Variants in AKAP13 observed in about 807,000 individuals in gnomAD.
The protein encoded by AKAP13 is A-kinase anchor protein 13.
A neutral mutation model predicts 264.5 loss-of-function variants in AKAP13; 80 were observed. The observed-to-expected ratio is 0.30, with a 90% CI of 0.25 to 0.36. The LOEUF (loss-of-function observed/expected upper bound fraction) is 0.36. AKAP13 is among the 10% of genes least tolerant of loss of function. The pLI is 1.00. For missense variants in AKAP13, 3,712 were observed against 3,435.2 expected, an observed-to-expected ratio of 1.08 and a Z score of -2.01; for synonymous variants, 1,380 against 1,250.2, an observed-to-expected ratio of 1.10 and a Z score of -2.19.
chr15:85,697,539 A>G (rs1047920277), intron 17 of AKAP13, among the ~76,000 whole-genome samples: 13 of 152,368 alleles, frequency 8.5e-5, no homozygotes, highest in Middle Eastern at 3.4e-3. Flanking sequence ...ACTGCACTCC[A>G]GTCTGGGTGA....
intron 1 of AKAP13, among the ~76,000 whole-genome samples, chr15:85,399,615 GA>G (rs1001745073): frequency 1.3e-5 from 2 of 149,840 alleles, no homozygotes; most frequent in African/African-American, 4.9e-5. Context: ...GGCAACCAAA[GA>G]AAAAATGAAA....
chr15:85,512,604 A>T (rs1209841922), intron 2 of AKAP13, among the ~76,000 whole-genome samples: 1 of 151,772 alleles, frequency 6.6e-6, no homozygotes, highest in East Asian at 1.9e-4. Flanking sequence ...TTCCCGCTTG[A>T]CCCCTTCTAG....
At chr15:85,504,909 C>T (rs1488210358) in intron 2 of AKAP13, among the ~76,000 whole-genome samples, 1 of 151,706 alleles carries the variant, frequency 6.6e-6, no homozygotes, top group Non-Finnish European at 1.5e-5. Context: ...CTCCCTCGCA[C>T]CCTCTCCCCC....
At chr15:85,589,733 C>T (rs1490084040) in intron 8 of AKAP13, among the ~76,000 whole-genome samples, 2 of 138,138 alleles carry the variant, frequency 1.4e-5, no homozygotes, top group African/African-American at 5.4e-5. Flanking sequence ...AAAAAGCCTA[C>T]TCTTAATTTT....
intron 2 of AKAP13, among the ~76,000 whole-genome samples, chr15:85,497,816 A>G (rs1042494170): frequency 6.6e-6 from 1 of 152,170 alleles, no homozygotes; most frequent in African/African-American, 2.4e-5. Flanking sequence ...ACACAGGATA[A>G]CAGTGTGAAG....
chr15:85,645,682 G>A (rs1476824310), intron 9 of AKAP13, 136 bp from the exon 10 acceptor site: 2 of 912,974 alleles, frequency 2.2e-6, no homozygotes, highest in African/African-American at 1.7e-5. Flanking sequence ...AAAGAAATAA[G>A]GAGGGAAGGA....
At chr15:85,488,621 GT>G (rs1278134953) in intron 2 of AKAP13, among the ~76,000 whole-genome samples, 3 of 152,220 alleles carry the variant, frequency 2.0e-5, no homozygotes, top group African/African-American at 7.2e-5. Flanking sequence ...AATTACAGGA[GT>G]TCTCATGAGT....
intron 8 of AKAP13, among the ~76,000 whole-genome samples, chr15:85,587,217 T>A: frequency 6.6e-6 from 1 of 152,318 alleles, no homozygotes; most frequent in African/African-American, 2.4e-5. Flanking sequence ...TGTAAATCCA[T>A]AGAGAGATTT....
intron 16 of AKAP13, among the ~76,000 whole-genome samples, chr15:85,686,132 T>A (rs549349924): frequency 1.4e-5 from 2 of 148,112 alleles, no homozygotes; most frequent in Admixed American, 1.4e-4. Context: ...TAAGGAACTC[T>A]TGCAAGGAAT....
chr15:85,695,682 A>G (rs1023577951), intron 17 of AKAP13, among the ~76,000 whole-genome samples: 1 of 152,172 alleles, frequency 6.6e-6, no homozygotes, highest in Non-Finnish European at 1.5e-5. Context: ...AAACCATGAG[A>G]GCTCTCACCC....
In AKAP13 at chr15:85,743,832, C is replaced by G; in HGVS notation, c.8392+7C>G. On this transcript the variant is annotated splice_region_variant and intron_variant, in intron 36 of 36. Coordinates refer to ENST00000394518, the MANE Select transcript of AKAP13 (RefSeq NM_007200.5). ...AGCCGCTCTCAGCCCGGTGGTGAGT[C>G]ACGCACACCTGCTCTCCCTGTGGCC... is the stretch of plus-strand genomic sequence containing the variant. The G allele has an allele frequency of 1.9e-6, 3 of 1,602,024 alleles. No homozygotes were observed. The highest frequency in any genetic ancestry group is 2.6e-6 in the Non-Finnish European group (3 of 1,174,880).
At position 85,717,996 on chromosome 15, in the gene AKAP13, G is replaced by T; in HGVS notation, c.5849-11G>T. ...AACCTGATTCTGATATTGATTTTTT[G>T]ATATATTGAGGAGTAGGTACAGACA... On this transcript the variant is annotated splice_polypyrimidine_tract_variant and intron_variant, in intron 21 of 36. Transcript: ENST00000394518. 1 of 1,606,782 alleles carries T rather than the reference G, an allele frequency of 6.2e-7. No individual in the cohort carries two copies. The highest frequency in any genetic ancestry group is 8.5e-7 in the Non-Finnish European group (1 of 1,175,774).
chr15:85,561,903 T>A (rs2078392859), intron 5 of AKAP13, among the ~76,000 whole-genome samples: 1 of 152,224 alleles, frequency 6.6e-6, no homozygotes, highest in South Asian at 2.1e-4. Flanking sequence ...AATGTGTATT[T>A]TTAAAATTAT....
At chr15:85,474,571 C>A (rs184362464) in intron 1 of AKAP13, among the ~76,000 whole-genome samples, 1 of 152,046 alleles carries the variant, frequency 6.6e-6, no homozygotes, top group African/African-American at 2.4e-5. Flanking sequence ...TTCATTGAAG[C>A]GATTAACATT....
At chr15:85,597,758 G>T (rs554028314) in intron 8 of AKAP13, among the ~76,000 whole-genome samples, 2 of 152,254 alleles carry the variant, frequency 1.3e-5, no homozygotes, top group African/African-American at 4.8e-5. Flanking sequence ...CCTGAGCATG[G>T]CATCTTTATT....
At chr15:85,725,056 C>T (rs530102938) in intron 26 of AKAP13, among the ~76,000 whole-genome samples, 1 of 152,308 alleles carries the variant, frequency 6.6e-6, no homozygotes, top group South Asian at 2.1e-4. Flanking sequence ...CCTAGAGCTG[C>T]TGTTGCCTGG....
intron 5 of AKAP13, among the ~76,000 whole-genome samples, chr15:85,561,446 A>G (rs770816710): frequency 6.6e-6 from 1 of 152,220 alleles, no homozygotes; most frequent in South Asian, 2.1e-4. Flanking sequence ...TGAGCTTAAC[A>G]TTGCATCTGA....
chr15:85,661,378 A>G (rs2083338333), intron 12 of AKAP13, among the ~76,000 whole-genome samples: 1 of 152,230 alleles, frequency 6.6e-6, no homozygotes, highest in African/African-American at 2.4e-5. Context: ...ACTTGAAATT[A>G]AAAAGATACA....
chr15:85,744,173 C>T (rs1288662134), intron 36 of AKAP13: 2 of 312,086 alleles, frequency 6.4e-6, no homozygotes, highest in Non-Finnish European at 1.2e-5. Context: ...TGATTTAACC[C>T]TCAAATGACT....
Sources: gnomAD v4.1 joint callset for allele counts (sites outside exome capture counted in the v4.1 genomes callset) on GRCh38, gnomAD v4.1.1 for gene constraint, MANE v1.5 for transcripts, NCBI Gene and HGNC (gene_info 2026-07-23, HGNC 2026-07-21) for gene names.